Variants in RYR3 observed in about 807,000 individuals in gnomAD.
RYR3 encodes the protein ryanodine receptor 3, also known as brain ryanodine receptor-calcium release channel.
Under a neutral mutation model 584.3 loss-of-function variants are expected in RYR3, and 207 were observed. That is an observed-to-expected ratio of 0.35 (90% confidence interval 0.32 to 0.40). The LOEUF (loss-of-function observed/expected upper bound fraction) is 0.40. Among genes scored for constraint, RYR3 ranks in the 10% least tolerant of loss-of-function variants. The probability of loss-of-function intolerance (pLI) is 1.00; values close to 1 mark genes in which losing one functional copy is unlikely to be tolerated. For missense variants in RYR3, 5,616 were observed against 6,089.2 expected (o/e 0.92, Z 2.59); for synonymous variants, 2,416 against 2,248.5 (o/e 1.07, Z -2.11).
intron 45 of RYR3, among the ~76,000 whole-genome samples, chr15:33,724,883 G>T (rs917127518): frequency 2.0e-5 from 3 of 152,028 alleles, no homozygotes; most frequent in African/African-American, 7.2e-5. Flanking sequence ...ACTTAGGCCT[G>T]TTTTTCCATT....
intron 1 of RYR3, among the ~76,000 whole-genome samples, chr15:33,408,015 T>G (rs1466956294): frequency 6.6e-6 from 1 of 152,070 alleles, no homozygotes; most frequent in African/African-American, 2.4e-5. Context: ...ACTTGAATTT[T>G]TTTTTTTTCC....
chr15:33,714,509 C>A (rs1654066504), intron 43 of RYR3, among the ~76,000 whole-genome samples: 1 of 152,122 alleles, frequency 6.6e-6, no homozygotes, highest in African/African-American at 2.4e-5. Flanking sequence ...CAGTTGCAGG[C>A]ACTGTAGCCA....
rs181164585 is a variant in RYR3 at position 33,578,522 on chromosome 15, C to T, written c.1269-1454C>T. 2.1e-3 allele frequency among the ~76,000 whole-genome samples: 326 copies of T among 152,206 alleles called. 1 individual carries two copies. Among genetic ancestry groups the T allele is most frequent in the South Asian group, 0.013 (61 of 4,810 alleles). ...TAATTCGGGAACAGAAAACAAAGCA[C>T]CACATGTTCTCAGTTATAAGTGGGA... On this transcript the variant is annotated intron_variant, in intron 12 of 103. Coordinates refer to ENST00000634891, the MANE Select transcript of RYR3 (RefSeq NM_001036.6).
intron 3 of RYR3, among the ~76,000 whole-genome samples, chr15:33,515,866 T>C (rs1376100763): frequency 6.6e-6 from 1 of 152,236 alleles, no homozygotes; most frequent in Non-Finnish European, 1.5e-5. Context: ...ATTTTAATGC[T>C]ATTAACAAAC....
intron 72 of RYR3, among the ~76,000 whole-genome samples, chr15:33,811,361 C>T (rs889654180): frequency 1.3e-5 from 2 of 151,836 alleles, no homozygotes; most frequent in South Asian, 2.1e-4. Flanking sequence ...AAAAGTTAGC[C>T]GGGCGTGGTG....
chr15:33,739,956 C>A lies in RYR3; in HGVS notation c.7781C>A (p.Ala2594Glu), dbSNP rs201466342. The A allele has an allele frequency of 1.2e-6, 2 of 1,613,802 alleles. No homozygotes were observed. Among genetic ancestry groups the A allele is most frequent in the Non-Finnish European group, 1.7e-6 (2 of 1,179,786 alleles). Residue 2594 changes from alanine to glutamate, a missense_variant, in exon 51 of 104, where the codon GCG (alanine) becomes GAG (glutamate). By Grantham distance (107) the Ala-to-Glu change is moderately radical. Around this residue, in one of 9 missense-constraint regions of RYR3, gnomAD observed 1,280 missense variants for 1,426.2 expected, o/e 0.90. Coordinates refer to ENST00000634891, the MANE Select transcript of RYR3 (RefSeq NM_001036.6). ...ATLEKQISVD[A>E]DGNFDPKPIN... ...TTGGAGAAACAGATCTCAGTGGATG[C>A]GGATGGCAACTTTGACCCAAAACCT...
chr15:33,619,462 T>G (rs1200140783), intron 19 of RYR3, among the ~76,000 whole-genome samples: 2 of 152,176 alleles, frequency 1.3e-5, no homozygotes, highest in Non-Finnish European at 2.9e-5. Context: ...GCAAAGGATT[T>G]AAAAGATAAA....
intron 87 of RYR3, among the ~76,000 whole-genome samples, chr15:33,835,658 A>T (rs1159300798): frequency 1.3e-5 from 2 of 152,242 alleles, no homozygotes; most frequent in Non-Finnish European, 2.9e-5. Flanking sequence ...TGATTAGAGT[A>T]ACATTTGCAG....
intron 2 of RYR3, among the ~76,000 whole-genome samples, chr15:33,494,866 T>G (rs1019757381): frequency 2.0e-5 from 3 of 152,234 alleles, no homozygotes; most frequent in African/African-American, 7.2e-5. Flanking sequence ...TTAACTTTAT[T>G]TTATAATAAC....
chr15:33,499,420 C>G (rs80190498), intron 2 of RYR3, among the ~76,000 whole-genome samples: 9,116 of 152,104 alleles, frequency 0.06, 359 homozygotes, highest in Non-Finnish European at 0.084. Flanking sequence ...GGCCTTTTGT[C>G]TCATACTTCA....
In RYR3 at chr15:33,818,703, C is replaced by A; in HGVS notation, c.10706+19C>A. 6.4e-7 allele frequency: 1 copy of A among 1,564,892 alleles called. No individual in the cohort carries two copies. Among genetic ancestry groups the A allele is most frequent in the Non-Finnish European group, 8.8e-7 (1 of 1,136,684 alleles). On this transcript the variant is annotated intron_variant, in intron 76 of 103. Transcript: ENST00000634891. The stretch of plus-strand genomic sequence containing the variant: ...AGAGGAGGTCAGAACCACCAGCTCA[C>A]CTGCTTCTCCCAGGCACCAGGGATA...
chr15:33,841,654 C>G (rs951739006), intron 90 of RYR3: 4 of 520,510 alleles, frequency 7.7e-6, no homozygotes, highest in Non-Finnish European at 3.4e-6. Flanking sequence ...TTGTATATAG[C>G]TGATGTTCAC....
intron 1 of RYR3, among the ~76,000 whole-genome samples, chr15:33,425,431 T>C (rs2044536896): frequency 6.6e-6 from 1 of 152,130 alleles, no homozygotes; most frequent in African/African-American, 2.4e-5. Context: ...CATGTAGTCC[T>C]GACTCAGCTT....
At chr15:33,392,765 T>C (rs1337193981) in intron 1 of RYR3, among the ~76,000 whole-genome samples, 1 of 152,134 alleles carries the variant, frequency 6.6e-6, no homozygotes, top group African/African-American at 2.4e-5. Flanking sequence ...GAGTGGGTCA[T>C]CCACAGTATC....
intron 20 of RYR3, 122 bp downstream of exon 20, chr15:33,624,145 GAAC>G: frequency 1.4e-6 from 1 of 721,728 alleles, no homozygotes; most frequent in South Asian, 1.8e-5. Flanking sequence ...TGTATAATGT[GAAC>G]AACTGTTACT....
At chr15:33,626,185 G>T (rs943476316) in intron 20 of RYR3, among the ~76,000 whole-genome samples, 11 of 152,214 alleles carry the variant, frequency 7.2e-5, no homozygotes, top group Non-Finnish European at 1.5e-4. Context: ...TCCAAAGAAT[G>T]AGGTAAAGTT....
At chr15:33,830,706 A>T (rs1253125474) in intron 85 of RYR3, 7 of 315,704 alleles carry the variant, frequency 2.2e-5, no homozygotes, top group Admixed American at 4.6e-5. Context: ...ACATTGAGTA[A>T]ATTATCCTAT....
At chr15:33,757,666 A>T (rs571435357) in intron 60 of RYR3, 70 bp downstream of exon 60, 2 of 1,522,534 alleles carry the variant, frequency 1.3e-6, no homozygotes, top group South Asian at 2.4e-5. Context: ...GTCCCTGTGG[A>T]CTAAAAGGCG....
intron 67 of RYR3, among the ~76,000 whole-genome samples, chr15:33,797,344 G>C (rs1454485107): frequency 1.3e-5 from 2 of 152,060 alleles, no homozygotes; most frequent in African/African-American, 4.8e-5. Context: ...AATATTGACA[G>C]AGATGGTGAA....
Sources: allele counts gnomAD v4.1 joint callset (sites outside exome capture counted in the v4.1 genomes callset), GRCh38; gene constraint gnomAD v4.1.1; regional missense constraint gnomAD v4.1.1; transcripts MANE v1.5; gene names NCBI Gene and HGNC (gene_info 2026-07-23, HGNC 2026-07-21).